The following DMD variants were observed in gnomAD, a reference collection of about 807,000 sequenced individuals.
DMD encodes mutant dystrophin.
DMD carries 63 observed loss-of-function variants against 330.1 expected under a neutral mutation model. The ratio of observed to expected loss-of-function variants is 0.19; its 90% CI spans 0.16 to 0.24. The LOEUF (loss-of-function observed/expected upper bound fraction) is 0.24, where lower values mean the gene tolerates loss of function less well. Among genes scored for constraint, DMD ranks in the 10% least tolerant of loss-of-function variants. The probability of loss-of-function intolerance (pLI) is 1.00; values close to 1 mark genes in which losing one functional copy is unlikely to be tolerated. For missense variants in DMD, 3,344 were observed against 2,684.1 expected, an observed-to-expected ratio of 1.25 and a Z score of -5.43; for synonymous variants, 1,223 against 959.8, an observed-to-expected ratio of 1.27 and a Z score of -5.07.
intron 2 of DMD, among the ~76,000 whole-genome samples, chrX:32,899,578 G>A (rs2086043455): frequency 9.3e-6 from 1 of 106,958 alleles, no homozygotes; most frequent in Non-Finnish European, 1.9e-5. Context: ...GGAGGCTGAG[G>A]CAGAAGAATC....
intron 2 of DMD, among the ~76,000 whole-genome samples, chrX:32,967,722 C>G (rs2092218939): frequency 9.0e-6 from 1 of 111,509 alleles, no homozygotes; most frequent in Non-Finnish European, 1.9e-5. Flanking sequence ...TATAGCTGTT[C>G]TTGCTTTTTT....
upstream of DMD, among the ~76,000 whole-genome samples, chrX:33,216,327 T>C (rs1278210806): frequency 9.0e-6 from 1 of 111,590 alleles, no homozygotes; most frequent in African/African-American, 3.3e-5. Context: ...CATTATCCTA[T>C]GCAAATTAAC....
At chrX:32,292,432 C>T (rs995752553) in intron 42 of DMD, among the ~76,000 whole-genome samples, 8 of 106,044 alleles carry the variant, frequency 7.5e-5, no homozygotes, top group African/African-American at 1.4e-4. Flanking sequence ...AGCCTCCTCC[C>T]GAGTAGCTGG....
At chrX:32,404,242 C>T (rs1236985507) in intron 30 of DMD, among the ~76,000 whole-genome samples, 1 of 111,604 alleles carries the variant, frequency 9.0e-6, no homozygotes. Context: ...TAAAAATCCC[C>T]TCTTTTCTAA....
intron 44 of DMD, among the ~76,000 whole-genome samples, chrX:32,012,189 A>ATGGCAC (rs2095714779): frequency 8.9e-6 from 1 of 112,323 alleles, no homozygotes; most frequent in Admixed American, 9.5e-5. Flanking sequence ...AATATGGATC[A>ATGGCAC]TAGACTTTAC....
chrX:32,711,741 C>A (rs2065211125), intron 7 of DMD, among the ~76,000 whole-genome samples: 1 of 111,800 alleles, frequency 8.9e-6, no homozygotes, highest in African/African-American at 3.2e-5. Flanking sequence ...TCACCAGATG[C>A]TATGTCATCC....
intron 44 of DMD, among the ~76,000 whole-genome samples, chrX:32,069,084 G>A (rs941247201): frequency 9.0e-5 from 10 of 111,576 alleles, no homozygotes; most frequent in African/African-American, 3.3e-4. Context: ...ATGGTTTGTG[G>A]TGGAATCGTA....
At chrX:31,250,001 C>G (rs2049186691) in intron 63 of DMD, among the ~76,000 whole-genome samples, 2 of 110,194 alleles carry the variant, frequency 1.8e-5, no homozygotes, top group African/African-American at 6.6e-5. Context: ...TAGTGGCTTC[C>G]TTTTTGACCA....
At chrX:32,759,860 CG>C in intron 7 of DMD, among the ~76,000 whole-genome samples, 2 of 7,906 alleles carry the variant, frequency 2.5e-4, no homozygotes, top group South Asian at 0.016. Context: ...GGGGGGGGGG[CG>C]GGGGAAGACC....
At chrX:32,344,854 T>C (rs1326271641) in intron 39 of DMD, among the ~76,000 whole-genome samples, 1 of 111,378 alleles carries the variant, frequency 9.0e-6, no homozygotes, top group Non-Finnish European at 1.9e-5. Flanking sequence ...TTACATAGCG[T>C]TCCGATTTTC....
chrX:31,900,668 G>C (rs190541891), intron 47 of DMD, among the ~76,000 whole-genome samples: 23 of 111,617 alleles, frequency 2.1e-4, no homozygotes, highest in African/African-American at 5.9e-4. Flanking sequence ...TTGGAAGTGC[G>C]TAACATGCAG....
At chrX:32,262,353 G>A (rs2097326721) in intron 43 of DMD, among the ~76,000 whole-genome samples, 1 of 111,368 alleles carries the variant, frequency 9.0e-6, no homozygotes, top group Non-Finnish European at 1.9e-5. Flanking sequence ...GGAATCAAGG[G>A]AGGGGCAGGA....
intron 16 of DMD, among the ~76,000 whole-genome samples, chrX:32,547,950 C>G (rs934409375): frequency 1.8e-5 from 2 of 111,438 alleles, no homozygotes; most frequent in Non-Finnish European, 3.8e-5. Flanking sequence ...ACCTGATATT[C>G]TAAGATTTGA....
intron 44 of DMD, among the ~76,000 whole-genome samples, chrX:32,160,344 G>C (rs925834887): frequency 1.8e-5 from 2 of 109,576 alleles, no homozygotes; most frequent in Non-Finnish European, 3.8e-5. Context: ...AGTGATTCTC[G>C]TGCCTCAGGC....
At chrX:31,555,666 C>A (rs945099870) in intron 55 of DMD, among the ~76,000 whole-genome samples, 1 of 111,726 alleles carries the variant, frequency 9.0e-6, no homozygotes. Context: ...CCACATGCCA[C>A]TGAATCAGGC....
Position 31,729,663 on chromosome X carries a change from T to C in DMD, c.7628A>G (p.Asn2543Ser). Residue 2543 changes from asparagine (N) to serine (S), a missense_variant, in exon 52 of 79, where the codon AAT becomes AGT. Physicochemically the swap from Asn to Ser is conservative, Grantham distance 46. Coordinates refer to ENST00000357033, the MANE Select transcript of DMD (RefSeq NM_004006.3). ...CGTAATGATTGTTCTAGCCTCTTGA[T>C]TGCTGGTCTTGTTTTTCAAATTTTG... ...AAQNLKNKTSNQEARTIITDR... is the reference protein window; with the variant it reads ...AAQNLKNKTSSQEARTIITDR... 8.3e-7 allele frequency: 1 copy of C among 1,211,553 alleles called. No individual in the cohort carries two copies. Among genetic ancestry groups the C allele is most frequent in the South Asian group, 1.8e-5 (1 of 56,988 alleles).
At chrX:32,519,516 T>C (rs990439285) in intron 17 of DMD, among the ~76,000 whole-genome samples, 1 of 111,484 alleles carries the variant, frequency 9.0e-6, no homozygotes, top group Non-Finnish European at 1.9e-5. Context: ...AAAGGGAACA[T>C]ATCAGCAGTG....
chrX:31,265,683 C>T (rs1291725814), intron 62 of DMD, among the ~76,000 whole-genome samples: 1 of 106,475 alleles, frequency 9.4e-6, no homozygotes, highest in Non-Finnish European at 1.9e-5. Context: ...GCTTCATTTG[C>T]TCCACTCGCT....
chrX:31,245,786 C>T (rs2404501), intron 63 of DMD, among the ~76,000 whole-genome samples: 26,828 of 110,555 alleles, frequency 0.24, 2,516 homozygotes, highest in East Asian at 0.47. Flanking sequence ...CAACGTCATA[C>T]GTGTTCTGAC....
Sources: allele counts gnomAD v4.1 joint callset (sites outside exome capture counted in the v4.1 genomes callset), GRCh38; gene constraint gnomAD v4.1.1; transcripts MANE v1.5; gene names NCBI Gene and HGNC (gene_info 2026-07-23, HGNC 2026-07-21).